Variants in MAGI2 observed in about 807,000 individuals in gnomAD.
The protein encoded by MAGI2 is membrane associated guanylate kinase, WW and PDZ domain containing 2.
In MAGI2, 35 loss-of-function variants were observed where a neutral mutation model predicts 133.3. The ratio of observed to expected loss-of-function variants is 0.26; its 90% CI spans 0.20 to 0.35. The LOEUF is 0.35. MAGI2 is among the 10% of genes least tolerant of loss of function. The pLI, the probability that MAGI2 is intolerant of heterozygous loss-of-function variation, is 1.00. For missense variants in MAGI2, 1,636 were observed against 1,863.4 expected, an observed-to-expected ratio of 0.88 and a Z score of 2.25; for synonymous variants, 729 against 710.6, an observed-to-expected ratio of 1.03 and a Z score of -0.41.
intron 9 of MAGI2, among the ~76,000 whole-genome samples, chr7:78,334,226 C>A (rs186359168): frequency 2.0e-5 from 3 of 152,186 alleles, no homozygotes; most frequent in Non-Finnish European, 4.4e-5. Flanking sequence ...ACTGGATGAC[C>A]ATTAACTGGA....
chr7:78,886,430 C>G (rs1421011928), intron 2 of MAGI2, among the ~76,000 whole-genome samples: 1 of 152,140 alleles, frequency 6.6e-6, no homozygotes, highest in Non-Finnish European at 1.5e-5. Flanking sequence ...CATCTAATTT[C>G]TTAGAGCCAA....
intron 1 of MAGI2, among the ~76,000 whole-genome samples, chr7:79,297,182 G>A (rs1052695880): frequency 5.3e-5 from 8 of 152,130 alleles, no homozygotes; most frequent in Non-Finnish European, 1.0e-4. Context: ...GGCCTACAGT[G>A]TTTGCAATTT....
intron 6 of MAGI2, chr7:78,487,311 C>T: frequency 5.5e-6 from 1 of 180,546 alleles, no homozygotes; most frequent in South Asian, 1.4e-4. Context: ...AACATGTGGT[C>T]CTGGAGGCAT....
rs145434920 is a variant in MAGI2, at chr7:79,109,695, G to C, written c.302-102489C>G. Reference sequence around the variant, plus strand: ...CAAGCAGGCTGTGGAGCAATCACTTGTTAGAGAGATTTGCATAATTAAGAA... The same window carrying C: ...CAAGCAGGCTGTGGAGCAATCACTTCTTAGAGAGATTTGCATAATTAAGAA... On this transcript the variant is annotated intron_variant, in intron 1 of 21. Transcript: ENST00000354212. 1.8e-3 allele frequency among the ~76,000 whole-genome samples: 281 copies of C among 152,328 alleles called. 3 individuals carry two copies. Among genetic ancestry groups the C allele is most frequent in the African/African-American group, 6.4e-3 (265 of 41,582 alleles).
chr7:79,426,939 T>C (rs1301635185), intron 1 of MAGI2, among the ~76,000 whole-genome samples: 1 of 152,160 alleles, frequency 6.6e-6, no homozygotes, highest in Admixed American at 6.5e-5. Context: ...GTTCTGCAGT[T>C]AGTTTTAGTC....
intron 2 of MAGI2, among the ~76,000 whole-genome samples, chr7:78,676,546 C>T (rs1209102530): frequency 6.6e-6 from 1 of 152,008 alleles, no homozygotes; most frequent in African/African-American, 2.4e-5. Context: ...ATCTGTATGG[C>T]CACTGTTGTC....
chr7:78,980,513 A>G (rs1479199211), intron 2 of MAGI2, among the ~76,000 whole-genome samples: 7 of 151,836 alleles, frequency 4.6e-5, no homozygotes, highest in Non-Finnish European at 8.8e-5. Context: ...GTGAGAAGGG[A>G]GTTGAACTCA....
At position 78,181,071 on chromosome 7, in the gene MAGI2, C is replaced by T. The variant is rs117971164; in HGVS notation, c.2312-2969G>A. Among the ~76,000 whole-genome samples the T allele has an allele frequency of 5.1e-4, 77 of 151,708 alleles. No individual in the cohort carries two copies. In the East Asian group the frequency reaches 0.014, roughly 28 times the overall value. On this transcript the variant is annotated intron_variant, in intron 13 of 21. Transcript: ENST00000354212. ...AAGCTGGGAGACATCATTCTTTTTC[C>T]TTCCTGCTTTGTTAGCTCTCTTCGC...
chr7:79,238,009 CCAGGTT>C (rs1478088679), intron 1 of MAGI2, among the ~76,000 whole-genome samples: 1 of 152,084 alleles, frequency 6.6e-6, no homozygotes, highest in African/African-American at 2.4e-5. Flanking sequence ...GCATGAATTT[CCAGGTT>C]TAGTTAAACT....
At chr7:78,095,666 C>T (rs1181045030) in intron 20 of MAGI2, among the ~76,000 whole-genome samples, 24 of 152,226 alleles carry the variant, frequency 1.6e-4, no homozygotes, top group Admixed American at 1.6e-3. Flanking sequence ...ACCTTTTTCC[C>T]TCATGGAGAA....
intron 2 of MAGI2, among the ~76,000 whole-genome samples, chr7:79,001,653 A>G (rs757000062): frequency 2.6e-5 from 4 of 152,208 alleles, no homozygotes; most frequent in Admixed American, 6.5e-5. Context: ...TGCAATCATT[A>G]TGCTCAGTAG....
chr7:79,187,925 T>G (rs896172175), intron 1 of MAGI2, among the ~76,000 whole-genome samples: 13 of 151,878 alleles, frequency 8.6e-5, no homozygotes, highest in African/African-American at 3.1e-4. Context: ...TATGTTTATG[T>G]CTCATGAATA....
intron 1 of MAGI2, among the ~76,000 whole-genome samples, chr7:79,174,819 G>C (rs1825948914): frequency 6.6e-6 from 1 of 151,536 alleles, no homozygotes. Context: ...CAACAAAAAA[G>C]TAAATAATTA....
intron 2 of MAGI2, among the ~76,000 whole-genome samples, chr7:78,628,546 G>T (rs542569256): frequency 6.6e-6 from 1 of 152,006 alleles, no homozygotes; most frequent in East Asian, 1.9e-4. Flanking sequence ...AGGGAAATTT[G>T]ATTTTGGATA....
At position 78,322,741 on chromosome 7, in the gene MAGI2, C is replaced by G. The variant is rs148400221; in HGVS notation, c.1408+21037G>C. Among the ~76,000 whole-genome samples the G allele has an allele frequency of 1.2e-3, 179 of 151,782 alleles. 2 individuals are homozygous for G. The highest frequency in any genetic ancestry group is 9.4e-3 in the Admixed American group (143 of 15,256). The stretch of plus-strand genomic sequence containing the variant: ...AACCTGCACGTTCTGCACATGTACC[C>G]CGGAATTTAATGTATAAAAAAAAAT... On this transcript the variant is annotated intron_variant, in intron 9 of 21. Coordinates refer to ENST00000354212, the MANE Select transcript of MAGI2 (RefSeq NM_012301.4).
intron 11 of MAGI2, among the ~76,000 whole-genome samples, chr7:78,196,903 A>G (rs1334045536): frequency 6.6e-6 from 1 of 152,262 alleles, no homozygotes; most frequent in Non-Finnish European, 1.5e-5. Context: ...CTCTAGAAGC[A>G]TAGAGAGGGT....
chr7:78,022,125 A>G (rs974689566), intron 21 of MAGI2, among the ~76,000 whole-genome samples: 4 of 152,236 alleles, frequency 2.6e-5, no homozygotes, highest in African/African-American at 7.2e-5. Context: ...TCAAAGGCAA[A>G]TATATCCAAT....
chr7:78,134,744 A>C, intron 17 of MAGI2: 4 of 298,502 alleles, frequency 1.3e-5, no homozygotes, highest in Non-Finnish European at 2.5e-5. Context: ...CCCACAGGGA[A>C]TGATTGAATA....
intron 3 of MAGI2, chr7:78,615,995 A>G (rs1318238389): frequency 2.0e-5 from 3 of 152,164 alleles, no homozygotes; most frequent in African/African-American, 7.2e-5. Flanking sequence ...AATTGATAAA[A>G]ATATATTTTC....
Sources: gnomAD v4.1 joint callset for allele counts (sites outside exome capture counted in the v4.1 genomes callset) on GRCh38, gnomAD v4.1.1 for gene constraint, MANE v1.5 for transcripts, NCBI Gene and HGNC (gene_info 2026-07-23, HGNC 2026-07-21) for gene names.